The following AOX1 variants were observed in gnomAD, a reference collection of about 807,000 sequenced individuals.
AOX1 encodes aldehyde oxidase.
A neutral mutation model predicts 169.5 loss-of-function variants in AOX1; 153 were observed. That is an observed-to-expected ratio of 0.90 (90% CI 0.79 to 1.03). The LOEUF (loss-of-function observed/expected upper bound fraction) is 1.03, where lower values mean the gene tolerates loss of function less well. Ranked by LOEUF, AOX1 falls within the 50% of genes least tolerant of loss-of-function variation. The pLI, the probability that AOX1 is intolerant of heterozygous loss-of-function variation, is 0.00. For missense variants in AOX1, 1,656 were observed against 1,663.9 expected, an observed-to-expected ratio of 1.00 and a Z score of 0.08; for synonymous variants, 562 against 581.9, an observed-to-expected ratio of 0.97 and a Z score of 0.49.
At chr2:200,590,858 CCCA>C (rs1422537260) in intron 1 of AOX1, among the ~76,000 whole-genome samples, 3 of 152,116 alleles carry the variant, frequency 2.0e-5, no homozygotes, top group Non-Finnish European at 2.9e-5. Flanking sequence ...TTATCTGAGA[CCCA>C]CGTTTCTTCT....
intron 7 of AOX1, 126 bp from the exon 8 acceptor site, chr2:200,603,891 G>A (rs1355647433): frequency 4.6e-6 from 3 of 659,082 alleles, no homozygotes; most frequent in Non-Finnish European, 8.1e-6. Flanking sequence ...CGGGGATTGT[G>A]GCTGGCCAGT....
chr2:200,638,022 A>T (rs757283548), intron 22 of AOX1, 193 bp from the exon 23 acceptor site: 1 of 489,958 alleles, frequency 2.0e-6, no homozygotes, highest in Non-Finnish European at 3.8e-6. Flanking sequence ...AATGCCTGGC[A>T]TTATTCCCTG....
At chr2:200,598,730 C>CAA (rs2034341421) in intron 4 of AOX1, among the ~76,000 whole-genome samples, 1 of 147,534 alleles carries the variant, frequency 6.8e-6, no homozygotes. Context: ...GGCAACAGAG[C>CAA]AAGACTCTGT....
chr2:200,601,550 G>A (rs1482536014), intron 5 of AOX1, among the ~76,000 whole-genome samples: 2 of 152,136 alleles, frequency 1.3e-5, no homozygotes, highest in African/African-American at 4.8e-5. Flanking sequence ...GGTTTCATGG[G>A]TGTAAGACTT....
chr2:200,588,726 CTTT>C (rs71807461), intron 1 of AOX1, among the ~76,000 whole-genome samples: 71 of 53,984 alleles, frequency 1.3e-3, no homozygotes, highest in Admixed American at 2.3e-3. Context: ...CTAGAATAAG[CTTT>C]TTTTTTTTTT....
intron 20 of AOX1, among the ~76,000 whole-genome samples, chr2:200,633,642 A>G (rs2035172692): frequency 6.6e-6 from 1 of 151,746 alleles, no homozygotes; most frequent in South Asian, 2.1e-4. Context: ...CATTTTTATT[A>G]CAGCTGCTTT....
chr2:200,625,759 CT>C (rs1160337601), intron 19 of AOX1, among the ~76,000 whole-genome samples: 1 of 151,828 alleles, frequency 6.6e-6, no homozygotes, highest in African/African-American at 2.4e-5. Flanking sequence ...TAAAACCTAG[CT>C]TTTTTTTCAA....
intron 18 of AOX1, among the ~76,000 whole-genome samples, chr2:200,622,782 T>C (rs1344919591): frequency 6.6e-6 from 1 of 152,206 alleles, no homozygotes; most frequent in Non-Finnish European, 1.5e-5. Flanking sequence ...TGATTGCCTT[T>C]GTTGGTTTAA....
downstream of AOX1, among the ~76,000 whole-genome samples, chr2:200,681,926 G>GT (rs142793319): frequency 4.7e-3 from 682 of 145,938 alleles, 3 homozygotes; most frequent in African/African-American, 0.013. Context: ...ACCTTTTGGG[G>GT]TTTTTTTTTT....
intron 20 of AOX1, among the ~76,000 whole-genome samples, chr2:200,631,135 T>C (rs1163121037): frequency 6.6e-6 from 1 of 152,224 alleles, no homozygotes; most frequent in Non-Finnish European, 1.5e-5. Context: ...TGCACTTATC[T>C]GCTGCGAAGA....
chr2:200,663,618 G>C (rs142673814), intron 31 of AOX1, among the ~76,000 whole-genome samples: 1 of 143,452 alleles, frequency 7.0e-6, no homozygotes, highest in Non-Finnish European at 1.5e-5. Flanking sequence ...TGTCTCTGTT[G>C]CTTCAAAGAC....
chr2:200,640,695 A>G (rs765576816), intron 23 of AOX1, among the ~76,000 whole-genome samples: 5 of 152,346 alleles, frequency 3.3e-5, no homozygotes, highest in East Asian at 1.9e-4. Context: ...CTTTACCACC[A>G]TGGGACTTTG....
intron 25 of AOX1, among the ~76,000 whole-genome samples, chr2:200,648,453 C>G (rs1284758426): frequency 1.3e-5 from 2 of 152,186 alleles, no homozygotes; most frequent in Non-Finnish European, 2.9e-5. Flanking sequence ...GTCTATGGGT[C>G]TCTCAGCTAT....
chr2:200,639,654 T>C (rs952281400), intron 23 of AOX1, among the ~76,000 whole-genome samples: 1 of 152,140 alleles, frequency 6.6e-6, no homozygotes, highest in Non-Finnish European at 1.5e-5. Context: ...ATTATGAAAA[T>C]ATAACAATCT....
intron 27 of AOX1, among the ~76,000 whole-genome samples, chr2:200,657,184 A>ATTTTTT (rs1284180212): frequency 1.5e-5 from 1 of 64,752 alleles, no homozygotes; most frequent in African/African-American, 6.6e-5. Flanking sequence ...ATATATATAT[A>ATTTTTT]TATATATTTT....
At position 200,668,707 on chromosome 2, in the gene AOX1, C is replaced by T. The variant is rs2035971475; in HGVS notation, c.3702C>T (p.Asp1234=). 3 of 1,614,056 alleles carry T rather than the reference C, an allele frequency of 1.9e-6. No homozygotes were observed. Among genetic ancestry groups the T allele is most frequent in the Admixed American group, 1.7e-5 (1 of 60,000 alleles). Residue 1234 remains aspartate (D), a synonymous_variant, in exon 33 of 35, where the codon GAC becomes GAT. Coordinates refer to ENST00000374700, the MANE Select transcript of AOX1 (RefSeq NM_001159.4). Reference sequence around the variant, plus strand: ...GCATTCTGCACACTCGTGGTCCAGACCAATATAAAATCCCTGCCATCTGTG... The same window carrying T: ...GCATTCTGCACACTCGTGGTCCAGATCAATATAAAATCCCTGCCATCTGTG... ...PQGILHTRGP[D]QYKIPAICDM... is the part of the protein sequence containing the mutation.
intron 27 of AOX1, among the ~76,000 whole-genome samples, chr2:200,657,190 A>ATATATATATATATATATATT: frequency 2.1e-4 from 13 of 62,874 alleles, no homozygotes; most frequent in Admixed American, 2.4e-4. Context: ...ATATATATAT[A>ATATATATATATATATATATT]TTTTTTTTTT....
downstream of AOX1, among the ~76,000 whole-genome samples, chr2:200,674,488 G>A (rs1389835844): frequency 6.6e-6 from 1 of 152,220 alleles, no homozygotes. Context: ...GCATATGGAA[G>A]TGGCATGATA....
At position 200,609,103 on chromosome 2, in the gene AOX1, A is replaced by T. The variant is rs780595492; in HGVS notation, c.1027A>T (p.Thr343Ser). The change falls in exon 11 of 35, where the codon ACT becomes TCT. Residue 343 changes from threonine to serine, a missense_variant. Thr to Ser is a moderately conservative substitution (Grantham distance 58). Transcript: ENST00000374700. ...MYHALLKHLGTLAGSQIRNMA... is the reference protein window; with the variant it reads ...MYHALLKHLGSLAGSQIRNMA... The stretch of plus-strand genomic sequence containing the variant: ...CCATGCTCTCCTGAAGCATTTGGGA[A>T]CTCTGGCTGGGTCCCAGATCAGGAA... The T allele has an allele frequency of 6.2e-7, 1 of 1,613,956 alleles. No homozygotes were observed. Among genetic ancestry groups the T allele is most frequent in the South Asian group, 1.1e-5 (1 of 91,058 alleles).
Sources: allele counts gnomAD v4.1 joint callset (sites outside exome capture counted in the v4.1 genomes callset), GRCh38; gene constraint gnomAD v4.1.1; transcripts MANE v1.5; gene names NCBI Gene and HGNC (gene_info 2026-07-23, HGNC 2026-07-21).